The following HHAT variants were observed in gnomAD, a reference collection of about 807,000 sequenced individuals.
HHAT encodes the protein hedgehog acyltransferase.
HHAT carries 47 observed loss-of-function variants against 70.8 expected under a neutral mutation model. That is an observed-to-expected ratio of 0.66 (90% confidence interval 0.53 to 0.85). The LOEUF is 0.85. Among genes scored for constraint, HHAT ranks in the 40% least tolerant of loss-of-function variants. HHAT has a pLI of 0.00. For synonymous variants in HHAT, 228 were observed against 247.6 expected, an observed-to-expected ratio of 0.92 and a Z score of 0.74; for missense variants, 609 against 604.8, an observed-to-expected ratio of 1.01 and a Z score of -0.07.
At chr1:210,499,461 A>G (rs2094712642) in intron 8 of HHAT, among the ~76,000 whole-genome samples, 1 of 152,006 alleles carries the variant, frequency 6.6e-6, no homozygotes, top group African/African-American at 2.4e-5. Flanking sequence ...ACATGGTGAA[A>G]CCCCATCTCT....
chr1:210,394,229 C>CTTTTTTTTTTTTTTTTTTTTTTTTTT (rs59554789), intron 4 of HHAT, among the ~76,000 whole-genome samples: 1 of 116,288 alleles, frequency 8.6e-6, no homozygotes, highest in Non-Finnish European at 1.8e-5. Flanking sequence ...CATGATCTAT[C>CTTTTTTTTTTTTTTTTTTTTTTTTTT]TTTTTTTTTT....
At chr1:210,526,713 A>G (rs199842491) in intron 9 of HHAT, among the ~76,000 whole-genome samples, 3 of 152,310 alleles carry the variant, frequency 2.0e-5, no homozygotes, top group Admixed American at 6.5e-5. Flanking sequence ...TCCAATCTCA[A>G]CAGCCTCTGC....
chr1:210,366,077 T>C (rs565533219), intron 3 of HHAT, among the ~76,000 whole-genome samples: 2 of 152,176 alleles, frequency 1.3e-5, no homozygotes, highest in East Asian at 3.9e-4. Flanking sequence ...ACTACAGACA[T>C]GCACCACCAT....
In HHAT at chr1:210,329,121, C is replaced by T; in HGVS notation, c.-44+17C>T. The T allele has an allele frequency of 2.2e-6, 3 of 1,359,136 alleles. No individual in the cohort carries two copies. Among genetic ancestry groups the T allele is most frequent in the Non-Finnish European group, 2.8e-6 (3 of 1,054,312 alleles). 84.2% of individuals were successfully genotyped at this position (1,359,136 alleles called of 1,614,324 possible). A position where few individuals can be genotyped will look rare whatever the true frequency, so the allele number is the denominator to read the frequency against. ...AGCCCGGAGGTTGGTAACTGGTGAC[C>T]ATAGGGGGTCCTGGGGAGGTTAGAT... On this transcript the variant is annotated intron_variant, in intron 1 of 11. Transcript: ENST00000261458.
chr1:210,493,567 A>G (rs143458975), intron 8 of HHAT, among the ~76,000 whole-genome samples: 6 of 152,342 alleles, frequency 3.9e-5, no homozygotes, highest in African/African-American at 1.4e-4. Flanking sequence ...TGACCAAACA[A>G]CTGGTACCAT....
Position 210,494,542 on chromosome 1 carries a change from C to CTTTTT in HHAT, c.1008-18588_1008-18584dup, listed in dbSNP as rs71146226. 2.0e-3 allele frequency among the ~76,000 whole-genome samples: 167 copies of CTTTTT among 82,852 alleles called. 27 individuals are homozygous for CTTTTT. The highest frequency in any genetic ancestry group is 8.1e-3 in the African/African-American group (159 of 19,656). 54.4% of individuals were successfully genotyped at this position (82,852 alleles called of 152,430 possible). A position where few individuals can be genotyped will look rare whatever the true frequency, so the allele number is the denominator to read the frequency against. ...AGATCAGGAGTTCAGTTTGAAATAGCTTTTTTTTTTTTTTTTTTTTTTTTT... is the reference window on the plus strand; with the variant it reads ...AGATCAGGAGTTCAGTTTGAAATAGCTTTTTTTTTTTTTTTTTTTTTTTTTTTTTT... On this transcript the variant is annotated intron_variant, in intron 8 of 11. Transcript: ENST00000261458.
chr1:210,520,250 C>G (rs111943314), intron 9 of HHAT, among the ~76,000 whole-genome samples: 1 of 151,918 alleles, frequency 6.6e-6, no homozygotes, highest in Non-Finnish European at 1.5e-5. Flanking sequence ...CTCCTGACCT[C>G]GTGATCCACC....
chr1:210,485,217 A>G (rs1429944809), intron 8 of HHAT, among the ~76,000 whole-genome samples: 1 of 152,192 alleles, frequency 6.6e-6, no homozygotes, highest in Non-Finnish European at 1.5e-5. Flanking sequence ...GGGAGTGAGA[A>G]TAAGAACACA....
chr1:210,357,267 AC>A (rs1321208739), intron 2 of HHAT, among the ~76,000 whole-genome samples: 89 of 152,210 alleles, frequency 5.8e-4, no homozygotes, highest in African/African-American at 2.0e-3. Context: ...AAAACATGGC[AC>A]CTTGGCATTT....
At chr1:210,592,941 A>T (rs535901543) in intron 10 of HHAT, among the ~76,000 whole-genome samples, 1 of 149,796 alleles carries the variant, frequency 6.7e-6, no homozygotes, top group African/African-American at 2.4e-5. Flanking sequence ...CAGGTTTGTT[A>T]CATATGTATA....
chr1:210,476,160 G>A (rs537308359), intron 8 of HHAT, among the ~76,000 whole-genome samples: 8 of 152,186 alleles, frequency 5.3e-5, no homozygotes, highest in East Asian at 3.8e-4. Flanking sequence ...TATCCTTTTT[G>A]TGAGTCCTGA....
At chr1:210,355,027 T>G (rs1319627401) in intron 2 of HHAT, among the ~76,000 whole-genome samples, 2 of 152,206 alleles carry the variant, frequency 1.3e-5, no homozygotes, top group African/African-American at 2.4e-5. Flanking sequence ...TGTGGTTGTC[T>G]TCATAATAGA....
chr1:210,395,254 C>T (rs919420342), intron 4 of HHAT, among the ~76,000 whole-genome samples: 1 of 152,168 alleles, frequency 6.6e-6, no homozygotes, highest in Non-Finnish European at 1.5e-5. Context: ...AAGGAGGGAA[C>T]CCACCAGGCA....
chr1:210,415,309 C>A (rs993891955), intron 6 of HHAT, among the ~76,000 whole-genome samples: 4 of 152,186 alleles, frequency 2.6e-5, no homozygotes, highest in Admixed American at 6.5e-5. Flanking sequence ...TGGCTTGTAA[C>A]AGATCTGCTG....
intron 9 of HHAT, among the ~76,000 whole-genome samples, chr1:210,535,009 G>A (rs2095355860): frequency 6.6e-6 from 1 of 152,164 alleles, no homozygotes; most frequent in Non-Finnish European, 1.5e-5. Flanking sequence ...CTCCTTGTTA[G>A]AGGGTTGGCT....
At chr1:210,373,864 G>C (rs929059708) in intron 3 of HHAT, among the ~76,000 whole-genome samples, 1 of 152,190 alleles carries the variant, frequency 6.6e-6, no homozygotes, top group Non-Finnish European at 1.5e-5. Flanking sequence ...CAACTATGTG[G>C]CTGAGTTTAG....
chr1:210,445,995 A>G (rs1446026771), intron 7 of HHAT, among the ~76,000 whole-genome samples: 1 of 152,036 alleles, frequency 6.6e-6, no homozygotes, highest in Non-Finnish European at 1.5e-5. Context: ...ATTTAACATT[A>G]GATATATCTC....
intron 11 of HHAT, among the ~76,000 whole-genome samples, chr1:210,638,157 A>G (rs924122330): frequency 1.3e-5 from 2 of 152,220 alleles, no homozygotes; most frequent in African/African-American, 4.8e-5. Flanking sequence ...TTAAACATAG[A>G]GTTACTATAT....
intron 7 of HHAT, among the ~76,000 whole-genome samples, chr1:210,422,848 G>A (rs1437929596): frequency 3.9e-5 from 6 of 152,060 alleles, no homozygotes; most frequent in Admixed American, 6.6e-5. Context: ...CGTTGGCCAG[G>A]CTGGTCTCGA....
Sources: allele counts gnomAD v4.1 joint callset (sites outside exome capture counted in the v4.1 genomes callset), GRCh38; gene constraint gnomAD v4.1.1; transcripts MANE v1.5; gene names NCBI Gene and HGNC (gene_info 2026-07-23, HGNC 2026-07-21).